SLC33A1: variants seen among roughly 807,000 people sequenced by gnomAD.
SLC33A1 encodes the protein solute carrier family 33 member 1.
Under a neutral mutation model 50.0 loss-of-function variants are expected in SLC33A1, and 20 were observed. The ratio of observed to expected loss-of-function variants is 0.40; its 90% confidence interval spans 0.28 to 0.58. SLC33A1 has a LOEUF of 0.58. Ranked by LOEUF, SLC33A1 falls within the 20% of genes least tolerant of loss-of-function variation. SLC33A1 has a pLI of 0.44. For missense variants in SLC33A1, 476 were observed against 657.0 expected (o/e 0.72, Z 3.01); for synonymous variants, 265 against 251.8 (o/e 1.05, Z -0.50).
rs1299310623 is a variant in SLC33A1 at position 155,821,666 on chromosome 3, A to T, written c.*6544T>A. 6.6e-6 allele frequency: 1 copy of T among 151,422 alleles called. No individual in the cohort carries two copies. The highest frequency in any genetic ancestry group is 6.6e-5 in the Admixed American group (1 of 15,138). The allele number at this position is 151,422 out of a possible 1,614,324, so 9.4% of individuals were successfully genotyped here. A position where few individuals can be genotyped will look rare whatever the true frequency, so the allele number is the denominator to read the frequency against. On this transcript the variant is annotated 3_prime_UTR_variant, in exon 6 of 6. Transcript: ENST00000643144. ...TTTTTAGTAGAGATGGGGTTTCTCC[A>T]TGTGGGTCAGGCCGGTCTTCAACTC...
intron 2 of SLC33A1, among the ~76,000 whole-genome samples, chr3:155,835,872 T>C (rs559099648): frequency 1.1e-4 from 16 of 152,310 alleles, no homozygotes; most frequent in African/African-American, 3.6e-4. Flanking sequence ...AAACTTCTGC[T>C]GTTAACCTCA....
chr3:155,846,904 ATTACT>A lies in SLC33A1; in HGVS notation c.776-4290_776-4286del, dbSNP rs113013242. Among the ~76,000 whole-genome samples the A allele has an allele frequency of 5.7e-3, 874 of 152,060 alleles. 7 individuals are homozygous for A. The highest frequency in any genetic ancestry group is 0.02 in the African/African-American group (835 of 41,472). On this transcript the variant is annotated intron_variant, in intron 1 of 5. Transcript: ENST00000643144. ...ATTTTATTCAATAAATTATAGGGAG[ATTACT>A]TTAATGAGAATAAATAGGCTGGGCG...
chr3:155,838,677 T>C (rs1398686877), intron 2 of SLC33A1, among the ~76,000 whole-genome samples: 10 of 130,280 alleles, frequency 7.7e-5, no homozygotes, highest in African/African-American at 3.0e-4. Flanking sequence ...AGAGACTCTG[T>C]CTCAAAAAAA....
chr3:155,833,354 G>C, intron 4 of SLC33A1, 114 bp downstream of exon 4: 2 of 765,692 alleles, frequency 2.6e-6, no homozygotes, highest in South Asian at 2.8e-5. Context: ...AATTTCTTCA[G>C]TGTCAGATTC....
intron 1 of SLC33A1, among the ~76,000 whole-genome samples, chr3:155,846,158 T>TG (rs1339533001): frequency 6.6e-6 from 1 of 152,226 alleles, no homozygotes; most frequent in Non-Finnish European, 1.5e-5. Flanking sequence ...TTATAAGATC[T>TG]GGGAAAAAAC....
chr3:155,838,036 C>T (rs1239090728), intron 2 of SLC33A1, among the ~76,000 whole-genome samples: 1 of 152,172 alleles, frequency 6.6e-6, no homozygotes, highest in Non-Finnish European at 1.5e-5. Context: ...GGTGCAGTGG[C>T]TCACACCTGT....
At chr3:155,847,836 T>G (rs113081974) in intron 1 of SLC33A1, among the ~76,000 whole-genome samples, 3 of 152,210 alleles carry the variant, frequency 2.0e-5, no homozygotes, top group African/African-American at 7.2e-5. Flanking sequence ...TTTGGTTAGA[T>G]TCATACTTAT....
chr3:155,842,754 A>C, intron 1 of SLC33A1, 135 bp from the exon 2 acceptor site: 1 of 522,650 alleles, frequency 1.9e-6, no homozygotes, highest in Non-Finnish European at 3.2e-6. Context: ...CATGCCTGTA[A>C]TCCTAGCACT....
chr3:155,829,003 G>C (rs1752303226), intron 5 of SLC33A1, among the ~76,000 whole-genome samples: 1 of 150,730 alleles, frequency 6.6e-6, no homozygotes, highest in Non-Finnish European at 1.5e-5. Flanking sequence ...CCCAGTTCTA[G>C]CAATTCTCCT....
At chr3:155,829,953 C>G in intron 4 of SLC33A1, 50 bp from the exon 5 acceptor site, 1 of 1,202,028 alleles carries the variant, frequency 8.3e-7, no homozygotes, top group Non-Finnish European at 1.2e-6. Context: ...GCTTATAAAG[C>G]TACAGTCTAA....
In SLC33A1 at chr3:155,834,439, A is replaced by AAT. The variant is rs1287612234; in HGVS notation, c.964-400_964-399dup. Among the ~76,000 whole-genome samples, 5 of 152,218 alleles carry AAT rather than the reference A, an allele frequency of 3.3e-5. No individual in the cohort carries two copies. In the East Asian group the frequency reaches 7.7e-4, roughly 24 times the overall value. ...CTGGTTAAAATGAAGCATAACTGCC[A>AAT]ATATATATATACATTTTTAATGATT... is the stretch of plus-strand genomic sequence containing the variant. On this transcript the variant is annotated intron_variant, in intron 2 of 5. Coordinates refer to ENST00000643144, the MANE Select transcript of SLC33A1 (RefSeq NM_004733.4).
intron 4 of SLC33A1, among the ~76,000 whole-genome samples, chr3:155,831,457 CAAAAAAAAAAAAAAAAAAAAAA>C (rs397991448): frequency 0.025 from 1,163 of 46,872 alleles, 57 homozygotes; most frequent in African/African-American, 0.065. Context: ...GACTCTGTCT[CAAAAAAAAAAAAAAAAAAAAAA>C]AAAAAAAAAA....
chr3:155,843,847 T>C (rs919429414), intron 1 of SLC33A1, among the ~76,000 whole-genome samples: 4 of 152,214 alleles, frequency 2.6e-5, no homozygotes, highest in African/African-American at 7.2e-5. Flanking sequence ...ACCCTGAGAA[T>C]TGCATTTCAG....
chr3:155,829,735 ACT>A lies in SLC33A1; in HGVS notation c.1433_1434del (p.Glu478ValfsTer13). On this transcript the variant is annotated frameshift_variant, in exon 5 of 6. Transcript: ENST00000643144. LOFTEE classifies it high-confidence loss of function. The part of the protein sequence containing the change: ...LWLVDPLTVK[E>X]CVGASNQNCR... ...CAATTCTGGTTTGATGCTCCTACAC[ACT>A]CTTTTACTGTGAGGGGATCTACAAG... 6.2e-7 allele frequency: 1 copy of A among 1,613,936 alleles called. No homozygotes were observed. Among genetic ancestry groups the A allele is most frequent in the Non-Finnish European group, 8.5e-7 (1 of 1,179,962 alleles).
intron 1 of SLC33A1, chr3:155,843,018 A>G (rs1752991787): frequency 6.6e-6 from 1 of 151,702 alleles, no homozygotes; most frequent in Admixed American, 6.7e-5. Context: ...AAAAAAAAAA[A>G]AAAAGTCAAC....
rs201290926 is a variant in SLC33A1 at position 155,828,030 on chromosome 3, C to CA, written c.*179dup. The CA allele has an allele frequency of 0.046, 22,146 of 479,172 alleles. 525 individuals carry two copies. Among genetic ancestry groups the CA allele is most frequent in the Admixed American group, 0.17 (4,556 of 26,884 alleles). The allele number at this position is 479,172 out of a possible 1,614,324, so 29.7% of individuals were successfully genotyped here. On this transcript the variant is annotated 3_prime_UTR_variant, in exon 6 of 6. Transcript: ENST00000643144. ...GTAAACTTTAAATACATTGACAAGG[C>CA]AAAAAAAAAATATGATCAAATATAC...
In SLC33A1 at chr3:155,823,187, T is replaced by A. The variant is rs1043475314; in HGVS notation, c.*5023A>T. 1 of 152,218 alleles carries A rather than the reference T, an allele frequency of 6.6e-6. No individual in the cohort carries two copies. Among genetic ancestry groups the A allele is most frequent in the African/African-American group, 2.4e-5 (1 of 41,448 alleles). 9.4% of individuals were successfully genotyped at this position (152,218 alleles called of 1,614,324 possible). On this transcript the variant is annotated 3_prime_UTR_variant, in exon 6 of 6. Coordinates refer to ENST00000643144, the MANE Select transcript of SLC33A1 (RefSeq NM_004733.4). The stretch of plus-strand genomic sequence containing the variant: ...AGTCTGCCCTGCTATAAGACCTGCC[T>A]CTTCCAAAACAGAATTCCAATAAGG...
chr3:155,840,774 A>T (rs1752902928), intron 2 of SLC33A1, among the ~76,000 whole-genome samples: 1 of 152,064 alleles, frequency 6.6e-6, no homozygotes, highest in Non-Finnish European at 1.5e-5. Context: ...AGATAGGGCC[A>T]TTGCACTCCA....
At position 155,838,363 on chromosome 3, in the gene SLC33A1, C is replaced by T. The variant is rs1287853110; in HGVS notation, c.963+4069G>A. Among the ~76,000 whole-genome samples the T allele has an allele frequency of 3.3e-5, 5 of 151,638 alleles. No homozygotes were observed. The East Asian group carries it at 9.7e-4, about 29-fold the overall frequency. On this transcript the variant is annotated intron_variant, in intron 2 of 5. Coordinates refer to ENST00000643144, the MANE Select transcript of SLC33A1 (RefSeq NM_004733.4). ...CCAGCCTGTATAGCAAAATGAGACC[C>T]CCATCTCTACAGAAAATGTAAAAAT... is the stretch of plus-strand genomic sequence containing the variant.
Sources: allele counts gnomAD v4.1 joint callset (sites outside exome capture counted in the v4.1 genomes callset), GRCh38; gene constraint gnomAD v4.1.1; transcripts MANE v1.5; gene names NCBI Gene and HGNC (gene_info 2026-07-23, HGNC 2026-07-21).